SFRP1: variants seen among roughly 807,000 people sequenced by gnomAD.
SFRP1 encodes secreted frizzled related protein 1, also known as secreted frizzled-related protein 1.
In SFRP1, 9 loss-of-function variants were observed where a neutral mutation model predicts 25.9. The observed-to-expected ratio is 0.35, with a 90% CI of 0.21 to 0.61. The LOEUF is 0.61. Among genes scored for constraint, SFRP1 ranks in the 20% least tolerant of loss-of-function variants. The probability of loss-of-function intolerance (pLI) is 0.78; values close to 1 mark genes in which losing one functional copy is unlikely to be tolerated. For missense variants in SFRP1, 346 were observed against 418.2 expected (o/e 0.83, Z 1.51); for synonymous variants, 178 against 174.0 (o/e 1.02, Z -0.18).
chr8:41,309,285 C>G lies in SFRP1; in HGVS notation c.-126G>C. On this transcript the variant is annotated 5_prime_UTR_variant, in exon 1 of 3. Coordinates refer to ENST00000220772, the MANE Select transcript of SFRP1 (RefSeq NM_003012.5). ...CGCAGTCCCCAGCGTTGCCCGGCTC[C>G]GCGGCCGCAAGCTGCTGCCCGGTCC... The G allele has an allele frequency of 8.9e-7, 1 of 1,123,516 alleles. No individual in the cohort carries two copies. The highest frequency in any genetic ancestry group is 1.1e-6 in the Non-Finnish European group (1 of 898,050). 69.6% of individuals were successfully genotyped at this position (1,123,516 alleles called of 1,614,324 possible).
chr8:41,285,641 G>A (rs1403623994), intron 2 of SFRP1, among the ~76,000 whole-genome samples: 2 of 152,158 alleles, frequency 1.3e-5, no homozygotes, highest in Non-Finnish European at 2.9e-5. Flanking sequence ...CAGGACCACA[G>A]TCAGATACAA....
chr8:41,285,322 C>T (rs773685202), intron 2 of SFRP1, among the ~76,000 whole-genome samples: 3 of 152,138 alleles, frequency 2.0e-5, no homozygotes, highest in East Asian at 3.9e-4. Flanking sequence ...CTCCGCCCCT[C>T]GTTCCCCACG....
At chr8:41,299,093 C>G (rs1803878253) in intron 2 of SFRP1, among the ~76,000 whole-genome samples, 1 of 150,158 alleles carries the variant, frequency 6.7e-6, no homozygotes, top group East Asian at 2.0e-4. Context: ...TCACCGCCTA[C>G]CCCCCCAACC....
rs61425542 is a variant in SFRP1, at chr8:41,306,480, TAC to T, written c.544+2134_544+2135del. 4.6e-3 allele frequency among the ~76,000 whole-genome samples: 672 copies of T among 146,310 alleles called. 2 individuals carry two copies. The highest frequency in any genetic ancestry group is 0.022 in the East Asian group (110 of 4,948). ...TGTCTTGACCTGCCCTCTACACACC[TAC>T]ACACACACACACACACACACACACG... On this transcript the variant is annotated intron_variant, in intron 1 of 2. Coordinates refer to ENST00000220772, the MANE Select transcript of SFRP1 (RefSeq NM_003012.5).
In SFRP1 at chr8:41,264,960, T is replaced by C; in HGVS notation, c.*207A>G. On this transcript the variant is annotated 3_prime_UTR_variant, in exon 3 of 3. Transcript: ENST00000220772. ...AAACCTTCCTAATCTAAATGGCCCT[T>C]GCTTTACCCGGCCATGGCTACCCTG... The C allele has an allele frequency of 1.8e-6, 1 of 551,308 alleles. No individual in the cohort carries two copies. Among genetic ancestry groups the C allele is most frequent in the Non-Finnish European group, 3.2e-6 (1 of 312,552 alleles). 34.2% of individuals were successfully genotyped at this position (551,308 alleles called of 1,614,324 possible).
chr8:41,296,859 A>G (rs1803849971), intron 2 of SFRP1, among the ~76,000 whole-genome samples: 1 of 152,190 alleles, frequency 6.6e-6, no homozygotes, highest in Non-Finnish European at 1.5e-5. Flanking sequence ...AGGCAGTCAC[A>G]GCTCCCGCAT....
Position 41,281,909 on chromosome 8 carries a change from C to T in SFRP1, c.623-16420G>A, listed in dbSNP as rs573431178. On this transcript the variant is annotated intron_variant, in intron 2 of 2. Transcript: ENST00000220772. ...GAGCACCTCTGGCGAATGCATATGT[C>T]GTGCCTCATGGTCAACAAATAAACA... 7.7e-4 allele frequency among the ~76,000 whole-genome samples: 117 copies of T among 152,302 alleles called. 1 individual carries two copies. The highest frequency in any genetic ancestry group is 3.4e-3 in the Middle Eastern group (1 of 294).
intron 2 of SFRP1, among the ~76,000 whole-genome samples, chr8:41,287,037 T>C (rs985915026): frequency 6.6e-6 from 1 of 152,172 alleles, no homozygotes. Context: ...GAATAACGTC[T>C]ACAGTGGGAC....
intron 2 of SFRP1, among the ~76,000 whole-genome samples, chr8:41,291,233 T>C (rs1563364373): frequency 6.6e-6 from 1 of 151,962 alleles, no homozygotes; most frequent in Non-Finnish European, 1.5e-5. Flanking sequence ...TTTAAAGATA[T>C]AAGACAGTCA....
chr8:41,283,148 ATT>A (rs1240683593), intron 2 of SFRP1, among the ~76,000 whole-genome samples: 15 of 152,318 alleles, frequency 9.8e-5, no homozygotes, highest in Non-Finnish European at 2.1e-4. Flanking sequence ...CAATATCTTT[ATT>A]AAGTTTCAGG....
At chr8:41,297,299 C>T (rs1222540866) in intron 2 of SFRP1, among the ~76,000 whole-genome samples, 1 of 152,202 alleles carries the variant, frequency 6.6e-6, no homozygotes, top group East Asian at 1.9e-4. Context: ...CCACCTCAGC[C>T]TCCCAAAGTG....
At position 41,265,142 on chromosome 8, in the gene SFRP1, C is replaced by CCG; in HGVS notation, c.*24_*25insCG. The CCG allele has an allele frequency of 1.6e-6, 1 of 606,380 alleles. No homozygotes were observed. The highest frequency in any genetic ancestry group is 1.9e-5 in the African/African-American group (1 of 52,416). The allele number at this position is 606,380 out of a possible 1,614,324, so 37.6% of individuals were successfully genotyped here. On this transcript the variant is annotated 3_prime_UTR_variant, in exon 3 of 3. Transcript: ENST00000220772. Reference sequence around the variant, plus strand: ...CCCGCTCCCACCCCACCCGAGGCTCCCTCCCCACCCTGCCCCCGGGAGAAT... The same window carrying CCG: ...CCCGCTCCCACCCCACCCGAGGCTCCCGCTCCCCACCCTGCCCCCGGGAGAAT...
chr8:41,297,487 G>C (rs1218347247), intron 2 of SFRP1, among the ~76,000 whole-genome samples: 1 of 152,152 alleles, frequency 6.6e-6, no homozygotes, highest in East Asian at 1.9e-4. Context: ...CATTAGTGCT[G>C]GAATTTTCCT....
chr8:41,274,510 T>A (rs1320780820), intron 2 of SFRP1, among the ~76,000 whole-genome samples: 1 of 152,164 alleles, frequency 6.6e-6, no homozygotes, highest in African/African-American at 2.4e-5. Flanking sequence ...ACCAAAAATG[T>A]GATATACCTG....
intron 2 of SFRP1, among the ~76,000 whole-genome samples, chr8:41,265,809 AG>A (rs1430547946): frequency 6.6e-6 from 1 of 152,122 alleles, no homozygotes; most frequent in African/African-American, 2.4e-5. Context: ...CTTTTCATCT[AG>A]AACAATAACC....
chr8:41,277,233 A>G (rs895713511), intron 2 of SFRP1, among the ~76,000 whole-genome samples: 1 of 72,558 alleles, frequency 1.4e-5, no homozygotes, highest in African/African-American at 4.8e-5. Context: ...CCTCACCACC[A>G]TCCTGCACTG....
chr8:41,299,662 CAAAAAAA>C lies in SFRP1; in HGVS notation c.622+3792_622+3798del, dbSNP rs61141419. ...GCCCAGGTAGAGCGAGACTTAGTCT[CAAAAAAA>C]AAAAAAAAAAAAAAATTCCAACATC... On this transcript the variant is annotated intron_variant, in intron 2 of 2. Transcript: ENST00000220772. Among the ~76,000 whole-genome samples, 19 of 66,372 alleles carry C rather than the reference CAAAAAAA, an allele frequency of 2.9e-4. No individual in the cohort carries two copies. In the Admixed American group the frequency reaches 3.0e-3, roughly 10 times the overall value. 43.5% of individuals were successfully genotyped at this position (66,372 alleles called of 152,430 possible). A position where few individuals can be genotyped will look rare whatever the true frequency, so the allele number is the denominator to read the frequency against.
At chr8:41,303,977 G>A (rs1482183148) in intron 1 of SFRP1, among the ~76,000 whole-genome samples, 1 of 152,036 alleles carries the variant, frequency 6.6e-6, no homozygotes, top group Non-Finnish European at 1.5e-5. Flanking sequence ...CTAGCCTGCT[G>A]ATCCCTCTGA....
At chr8:41,286,908 CAGTG>C (rs1563363228) in intron 2 of SFRP1, among the ~76,000 whole-genome samples, 4 of 152,220 alleles carry the variant, frequency 2.6e-5, no homozygotes, top group Non-Finnish European at 2.9e-5. Context: ...AGAAAGCACA[CAGTG>C]AGTGCCCCAA....
Sources: allele counts gnomAD v4.1 joint callset (sites outside exome capture counted in the v4.1 genomes callset), GRCh38; gene constraint gnomAD v4.1.1; transcripts MANE v1.5; gene names NCBI Gene and HGNC (gene_info 2026-07-23, HGNC 2026-07-21).